DACH1: variants seen among roughly 807,000 people sequenced by gnomAD.
The protein encoded by DACH1 is dachshund family transcription factor 1.
DACH1 carries 12 observed loss-of-function variants against 54.2 expected under a neutral mutation model. The ratio of observed to expected loss-of-function variants is 0.22; its 90% CI spans 0.14 to 0.36. The LOEUF (loss-of-function observed/expected upper bound fraction) is 0.36. DACH1 is among the 10% of genes least tolerant of loss of function. The probability of loss-of-function intolerance (pLI) is 1.00; values close to 1 mark genes in which losing one functional copy is unlikely to be tolerated. For missense variants in DACH1, 805 were observed against 929.8 expected (o/e 0.87, Z 1.75); for synonymous variants, 386 against 366.2 (o/e 1.05, Z -0.62).
At chr13:71,803,983 G>A (rs188423288) in intron 1 of DACH1, among the ~76,000 whole-genome samples, 3 of 152,248 alleles carry the variant, frequency 2.0e-5, no homozygotes, top group Admixed American at 2.0e-4. Flanking sequence ...GGCTACAGGT[G>A]TACAGGAGGA....
At chr13:71,483,880 T>C (rs1878267600) in intron 7 of DACH1, among the ~76,000 whole-genome samples, 3 of 152,264 alleles carry the variant, frequency 2.0e-5, no homozygotes, top group African/African-American at 7.2e-5. Flanking sequence ...CTAGGAGCAA[T>C]AGGGTATACT....
chr13:71,501,589 T>C (rs534302376), intron 6 of DACH1, among the ~76,000 whole-genome samples: 4 of 152,172 alleles, frequency 2.6e-5, no homozygotes, highest in Non-Finnish European at 4.4e-5. Flanking sequence ...GAGATGACCA[T>C]TGTTAAAACA....
chr13:71,800,146 C>T (rs1887232864), intron 1 of DACH1, among the ~76,000 whole-genome samples: 1 of 151,964 alleles, frequency 6.6e-6, no homozygotes, highest in Non-Finnish European at 1.5e-5. Context: ...TTATAAAAAG[C>T]GAAAGTTGGA....
intron 1 of DACH1, among the ~76,000 whole-genome samples, chr13:71,719,509 CACAGTACACTTTCTAT>C (rs1883134047): frequency 6.6e-6 from 1 of 152,116 alleles, no homozygotes; most frequent in Admixed American, 6.6e-5. Flanking sequence ...TTCTAGAAGT[CACAGTACACTTTCTAT>C]ACTATGCTCA....
chr13:71,703,756 A>C (rs576538516), intron 1 of DACH1, among the ~76,000 whole-genome samples: 11 of 152,152 alleles, frequency 7.2e-5, no homozygotes, highest in Non-Finnish European at 1.5e-4. Flanking sequence ...CTGCTCCTTC[A>C]AGTTAATTCT....
intron 10 of DACH1, among the ~76,000 whole-genome samples, chr13:71,452,695 C>T (rs1467091925): frequency 6.6e-6 from 1 of 152,052 alleles, no homozygotes; most frequent in Non-Finnish European, 1.5e-5. Context: ...TCCAGAAATA[C>T]CAGGTTTGAA....
intron 3 of DACH1, among the ~76,000 whole-genome samples, chr13:71,584,569 G>A (rs1873089820): frequency 6.6e-6 from 1 of 152,014 alleles, no homozygotes; most frequent in Non-Finnish European, 1.5e-5. Flanking sequence ...AAGACTTTAA[G>A]AATAGAACTT....
chr13:71,493,537 C>T (rs1234317394), intron 6 of DACH1, among the ~76,000 whole-genome samples: 1 of 152,094 alleles, frequency 6.6e-6, no homozygotes, highest in Admixed American at 6.6e-5. Context: ...TAACTTATTA[C>T]ACAGCTATGG....
chr13:71,489,574 T>C (rs1393532383), intron 6 of DACH1, among the ~76,000 whole-genome samples: 2 of 152,096 alleles, frequency 1.3e-5, no homozygotes, highest in African/African-American at 2.4e-5. Flanking sequence ...TCTTTCTCTA[T>C]TAACCCTTCC....
In DACH1 at chr13:71,482,957, T is replaced by C. The variant is rs569527051; in HGVS notation, c.1723-3641A>G. On this transcript the variant is annotated intron_variant, in intron 7 of 10. Coordinates refer to ENST00000613252, the MANE Select transcript of DACH1 (RefSeq NM_080759.6). ...CTGGGATTACAGGCATGTGCCACCA[T>C]ACCCGGCTTATTTTTTTGTATTTTT... Among the ~76,000 whole-genome samples, 31 of 152,094 alleles carry C rather than the reference T, an allele frequency of 2.0e-4. No individual in the cohort carries two copies. In the East Asian group the frequency reaches 5.2e-3, roughly 26 times the overall value.
At position 71,512,093 on chromosome 13, in the gene DACH1, C is replaced by CT. The variant is rs567051255; in HGVS notation, c.1571-22946dup. ...TCTTATGTTACCAATTTCAGCATTTCTTTTTTGGAAATTCAACCCAGAACC... is the reference window on the plus strand; with the variant it reads ...TCTTATGTTACCAATTTCAGCATTTCTTTTTTTGGAAATTCAACCCAGAACC... On this transcript the variant is annotated intron_variant, in intron 6 of 10. Transcript: ENST00000613252. 1.3e-3 allele frequency among the ~76,000 whole-genome samples: 203 copies of CT among 152,058 alleles called. 2 individuals carry two copies. The East Asian group carries it at 0.031, about 24-fold the overall frequency.
intron 3 of DACH1, among the ~76,000 whole-genome samples, chr13:71,624,014 A>G (rs1025682806): frequency 6.6e-6 from 1 of 151,962 alleles, no homozygotes; most frequent in African/African-American, 2.4e-5. Flanking sequence ...TAATAACAAC[A>G]TTCCTAATCA....
intron 6 of DACH1, among the ~76,000 whole-genome samples, chr13:71,492,450 A>G (rs1879056859): frequency 6.6e-6 from 1 of 152,094 alleles, no homozygotes; most frequent in Non-Finnish European, 1.5e-5. Context: ...AGATGTTAGA[A>G]TGTTTCACCT....
intron 1 of DACH1, among the ~76,000 whole-genome samples, chr13:71,780,617 G>C (rs750674443): frequency 6.6e-6 from 1 of 150,864 alleles, no homozygotes; most frequent in Non-Finnish European, 1.5e-5. Context: ...CTGCATTGTA[G>C]TCTGGGCGAC....
At chr13:71,458,639 T>G (rs1024322218) in intron 10 of DACH1, among the ~76,000 whole-genome samples, 36 of 152,038 alleles carry the variant, frequency 2.4e-4, no homozygotes, top group African/African-American at 7.9e-4. Flanking sequence ...CTAGAAAAAT[T>G]GAAACTATGA....
At position 71,475,136 on chromosome 13, in the gene DACH1, C is replaced by G; in HGVS notation, c.2083+5G>C. On this transcript the variant is annotated splice_donor_5th_base_variant and intron_variant, in intron 10 of 10. Transcript: ENST00000613252. ...CTAGATTTATAGCCTTCTGCAAATTCCTACCTTGTATTGTCCTTTCAGCAT... is the reference window on the plus strand; with the variant it reads ...CTAGATTTATAGCCTTCTGCAAATTGCTACCTTGTATTGTCCTTTCAGCAT... 1 of 1,613,634 alleles carries G rather than the reference C, an allele frequency of 6.2e-7. No individual in the cohort carries two copies. The highest frequency in any genetic ancestry group is 8.5e-7 in the Non-Finnish European group (1 of 1,179,608).
chr13:71,598,663 T>C (rs1016396799), intron 3 of DACH1, among the ~76,000 whole-genome samples: 1 of 152,234 alleles, frequency 6.6e-6, no homozygotes, highest in Admixed American at 6.5e-5. Context: ...AATTGGGCCA[T>C]GATTGAGTTG....
rs548880556 is a variant in DACH1, at chr13:71,662,789, T to C, written c.964+19006A>G. Among the ~76,000 whole-genome samples the C allele has an allele frequency of 1.6e-4, 25 of 152,086 alleles. No individual in the cohort carries two copies. In the East Asian group the frequency reaches 4.8e-3, roughly 29 times the overall value. The stretch of plus-strand genomic sequence containing the variant: ...TTGAATCATACTCTTTTTAAGCCAA[T>C]ATAAAAATGGCACTTTCCACTATAA... On this transcript the variant is annotated intron_variant, in intron 2 of 10. Transcript: ENST00000613252.
chr13:71,753,306 A>G (rs949095759), intron 1 of DACH1, among the ~76,000 whole-genome samples: 1 of 152,158 alleles, frequency 6.6e-6, no homozygotes, highest in African/African-American at 2.4e-5. Context: ...AATATAAGAA[A>G]AAAGGAGCTG....
Sources: gnomAD v4.1 joint callset for allele counts (sites outside exome capture counted in the v4.1 genomes callset) on GRCh38, gnomAD v4.1.1 for gene constraint, MANE v1.5 for transcripts, NCBI Gene and HGNC (gene_info 2026-07-23, HGNC 2026-07-21) for gene names.